ZNF469: variants seen among roughly 807,000 people sequenced by gnomAD.
ZNF469 encodes the protein zinc finger protein 469.
Under a neutral mutation model 1.0 loss-of-function variants are expected in ZNF469, and 1 was observed. The ratio of observed to expected loss-of-function variants is 1.00; its 90% CI spans 0.35 to 4.73. The LOEUF (loss-of-function observed/expected upper bound fraction) is 4.73, where lower values mean the gene tolerates loss of function less well. Among genes scored for constraint, ZNF469 ranks in the 30% most tolerant of loss-of-function variants. The pLI, the probability that ZNF469 is intolerant of heterozygous loss-of-function variation, is 0.16. For missense variants in ZNF469, 6,100 were observed against 5,356.3 expected, an observed-to-expected ratio of 1.14 and a Z score of -4.33; for synonymous variants, 2,703 against 2,363.4, an observed-to-expected ratio of 1.14 and a Z score of -4.17.
chr16:88,118,591 G>A, the ZNF469 span, among the ~76,000 whole-genome samples: 56 of 152,220 alleles, frequency 3.7e-4, no homozygotes, highest in Non-Finnish European at 7.3e-4. Flanking sequence ...CACCCCGGGT[G>A]CTCCTGGAGT....
Position 88,433,128 on chromosome 16 carries a change from C to T in ZNF469, c.5658C>T (p.Asn1886=), listed in dbSNP as rs1906318823. The T allele has an allele frequency of 1.9e-6, 3 of 1,550,228 alleles. No homozygotes were observed. Among genetic ancestry groups the T allele is most frequent in the African/African-American group, 2.7e-5 (2 of 73,060 alleles). ...VPVPSPACVS[N]THPSRRSQDP... ...TGCCAAGTCCCGCCTGTGTATCCAA[C>T]ACCCACCCTAGCAGGAGGTCCCAGG... Residue 1886 remains asparagine, a synonymous_variant, in exon 3 of 3, where the codon AAC becomes AAT. Transcript: ENST00000565624.
At chr16:88,120,124 G>C in the ZNF469 span, among the ~76,000 whole-genome samples, 28 of 152,330 alleles carry the variant, frequency 1.8e-4, no homozygotes, top group East Asian at 2.5e-3. Context: ...TCCCGTGGAG[G>C]GGGAGGCATC....
the ZNF469 span, among the ~76,000 whole-genome samples, chr16:88,336,148 C>G: frequency 6.7e-6 from 1 of 148,506 alleles, no homozygotes; most frequent in African/African-American, 2.5e-5. Flanking sequence ...TCATCCTTCA[C>G]GTGAGACACT....
the ZNF469 span, among the ~76,000 whole-genome samples, chr16:88,332,108 G>A: frequency 6.6e-6 from 1 of 152,202 alleles, no homozygotes; most frequent in African/African-American, 2.4e-5. Flanking sequence ...TGATGGGACA[G>A]GGAGTCTCTC....
chr16:88,413,949 C>A (rs115298399), intron 1 of ZNF469, among the ~76,000 whole-genome samples: 1,895 of 152,294 alleles, frequency 0.012, 41 homozygotes, highest in African/African-American at 0.043. Flanking sequence ...TGAGCCTCCA[C>A]CAAGAGGGGT....
chr16:88,411,069 C>A (rs1337448820), intron 1 of ZNF469, among the ~76,000 whole-genome samples: 1 of 152,216 alleles, frequency 6.6e-6, no homozygotes, highest in Non-Finnish European at 1.5e-5. Flanking sequence ...CCCCTGTAAT[C>A]CAGGGCGACT....
At chr16:88,326,811 AC>A in the ZNF469 span, among the ~76,000 whole-genome samples, 19 of 150,620 alleles carry the variant, frequency 1.3e-4, no homozygotes, top group African/African-American at 4.4e-4. Flanking sequence ...GCCGGTCCTG[AC>A]CCCCCCGCTC....
rs1329268796 is a variant in ZNF469 at position 88,437,585 on chromosome 16, G to A, written c.10115G>A (p.Arg3372Gln). The A allele has an allele frequency of 3.3e-6, 5 of 1,534,340 alleles. No homozygotes were observed. Among genetic ancestry groups the A allele is most frequent in the African/African-American group, 2.8e-5 (2 of 72,652 alleles). The stretch of plus-strand genomic sequence containing the variant: ...GTCTACCTGTGCCCCCGGTGCCCCC[G>A]GGTCTACCCCGAGCACGGGGAGCTG... ...QRVYLCPRCPRVYPEHGELLA... is the reference protein window; with the variant it reads ...QRVYLCPRCPQVYPEHGELLA... Residue 3372 changes from arginine to glutamine, a missense_variant, in exon 3 of 3, where the codon CGG (arginine) becomes CAG (glutamine). Physicochemically the swap from Arg to Gln is conservative, Grantham distance 43. Transcript: ENST00000565624.
At chr16:88,259,436 C>T in the ZNF469 span, among the ~76,000 whole-genome samples, 2 of 152,216 alleles carry the variant, frequency 1.3e-5, no homozygotes, top group East Asian at 1.9e-4. The surrounding 1 kb of genome is among the most constrained non-coding windows in gnomAD (Gnocchi z 4.1). Context: ...GGTTTTTCCA[C>T]TTTGGGGCCT....
the ZNF469 span, among the ~76,000 whole-genome samples, chr16:88,317,913 G>A: frequency 1.3e-5 from 2 of 152,342 alleles, no homozygotes; most frequent in East Asian, 3.9e-4. Flanking sequence ...CTGGGACAGG[G>A]GTGAACCTAG....
At chr16:88,237,796 C>T in the ZNF469 span, among the ~76,000 whole-genome samples, 101 of 99,232 alleles carry the variant, frequency 1.0e-3, no homozygotes, top group South Asian at 5.2e-3. Context: ...TCCTTGCTCC[C>T]GCCACTCACC....
chr16:88,123,960 C>T, the ZNF469 span, among the ~76,000 whole-genome samples: 1 of 152,148 alleles, frequency 6.6e-6, no homozygotes, highest in East Asian at 1.9e-4. Context: ...TGTGCCACCA[C>T]GCCCAGCTAA....
the ZNF469 span, among the ~76,000 whole-genome samples, chr16:88,268,162 G>A: frequency 3.9e-5 from 6 of 152,250 alleles, no homozygotes; most frequent in African/African-American, 1.4e-4. Context: ...TATTTTAAAT[G>A]TAAACTTTTT....
the ZNF469 span, among the ~76,000 whole-genome samples, chr16:88,179,571 T>C: frequency 6.6e-6 from 1 of 152,186 alleles, no homozygotes; most frequent in African/African-American, 2.4e-5. Context: ...ACCTGTGAAC[T>C]TGCTATAAAT....
At chr16:88,307,913 C>G in the ZNF469 span, among the ~76,000 whole-genome samples, 1 of 152,230 alleles carries the variant, frequency 6.6e-6, no homozygotes, top group Non-Finnish European at 1.5e-5. Context: ...CATAGCCTAA[C>G]TCAAAGCCAC....
At chr16:88,316,388 T>C in the ZNF469 span, among the ~76,000 whole-genome samples, 1 of 152,102 alleles carries the variant, frequency 6.6e-6, no homozygotes, top group Non-Finnish European at 1.5e-5. Flanking sequence ...TTGGCACGGC[T>C]CTTCCCACTT....
At chr16:88,302,792 C>T in the ZNF469 span, among the ~76,000 whole-genome samples, 1 of 152,168 alleles carries the variant, frequency 6.6e-6, no homozygotes, top group Non-Finnish European at 1.5e-5. Context: ...CAGGTGTCTA[C>T]CCTCGCCTCA....
the ZNF469 span, among the ~76,000 whole-genome samples, chr16:88,173,435 T>C: frequency 1.3e-5 from 2 of 152,128 alleles, no homozygotes; most frequent in South Asian, 2.1e-4. Context: ...TAAAAACTGA[T>C]GGAATTCATT....
At chr16:88,231,474 C>G in the ZNF469 span, among the ~76,000 whole-genome samples, 1 of 152,206 alleles carries the variant, frequency 6.6e-6, no homozygotes, top group African/African-American at 2.4e-5. This position sits in a 1 kb window ranked among gnomAD's most constrained non-coding sequence, Gnocchi z 4.5. Context: ...ACAGCTCTGT[C>G]AGCTCTGGAG....
Sources: allele counts gnomAD v4.1 joint callset (sites outside exome capture counted in the v4.1 genomes callset), GRCh38; gene constraint gnomAD v4.1.1; non-coding constraint Gnocchi (gnomAD v3.1); transcripts MANE v1.5; gene names NCBI Gene and HGNC (gene_info 2026-07-23, HGNC 2026-07-21).